LARGE2: variants seen among roughly 807,000 people sequenced by gnomAD.
The protein encoded by LARGE2 is LARGE xylosyl- and glucuronyltransferase 2, also known as xylosyl- and glucuronyltransferase LARGE2.
Under a neutral mutation model 75.3 loss-of-function variants are expected in LARGE2, and 63 were observed. The observed-to-expected ratio is 0.84, with a 90% CI of 0.68 to 1.03. The LOEUF is 1.03. Among genes scored for constraint, LARGE2 ranks in the 50% least tolerant of loss-of-function variants. The probability of loss-of-function intolerance (pLI) is 0.00; values close to 1 mark genes in which losing one functional copy is unlikely to be tolerated. For missense variants in LARGE2, 925 were observed against 980.6 expected, an observed-to-expected ratio of 0.94 and a Z score of 0.76; for synonymous variants, 428 against 420.1, an observed-to-expected ratio of 1.02 and a Z score of -0.23.
chr11:45,926,131 G>T lies in LARGE2; in HGVS notation c.862G>T (p.Ala288Ser). Residue 288 changes from alanine to serine, a missense_variant, in exon 7 of 14, where the codon GCC becomes TCC. This residue lies in a region of LARGE2 where 453 missense variants were observed against 460.2 expected (regional missense o/e 0.98). Coordinates refer to ENST00000401752, the MANE Select transcript of LARGE2 (RefSeq NM_001300721.2). ...CAGGCGGGAGCTCCTTAGCCTGCCT[G>T]CCACCTCACTGGCTGACCAGGTCTG... is the stretch of plus-strand genomic sequence containing the variant. ...TARRELLSLPATSLADQDIFN... is the reference protein window; with the variant it reads ...TARRELLSLPSTSLADQDIFN... 6.3e-7 allele frequency: 1 copy of T among 1,580,340 alleles called. No individual in the cohort carries two copies. The highest frequency in any genetic ancestry group is 8.6e-7 in the Non-Finnish European group (1 of 1,163,016).
In LARGE2 at chr11:45,927,986, G is replaced by C; in HGVS notation, c.1671G>C (p.Glu557Asp). 2 of 1,613,904 alleles carry C rather than the reference G, an allele frequency of 1.2e-6. No individual in the cohort carries two copies. Among genetic ancestry groups the C allele is most frequent in the Non-Finnish European group, 1.7e-6 (2 of 1,180,028 alleles). Reference sequence around the variant, plus strand: ...CAGCACTGGTGGTGCCGGCATTCGAGACCCTGCGCTACCGCTTCAGCTTCC... The same window carrying C: ...CAGCACTGGTGGTGCCGGCATTCGACACCCTGCGCTACCGCTTCAGCTTCC... The part of the protein sequence containing the change: ...RKAALVVPAF[E>D]TLRYRFSFPH... The change falls in exon 12 of 14, where the codon GAG becomes GAC. Residue 557 changes from glutamate to aspartate, a missense_variant. Glu to Asp is a conservative substitution (Grantham distance 45, BLOSUM62 2). Coordinates refer to ENST00000401752, the MANE Select transcript of LARGE2 (RefSeq NM_001300721.2).
At chr11:45,924,428 C>T (rs1178350698) in intron 4 of LARGE2, 78 bp from the exon 5 acceptor site, 2 of 1,571,920 alleles carry the variant, frequency 1.3e-6, no homozygotes, top group Non-Finnish European at 1.7e-6. Context: ...CCCCTCTCCT[C>T]TGTGTCACTG....
chr11:45,925,531 C>A (rs1311648928), intron 6 of LARGE2, among the ~76,000 whole-genome samples: 1 of 152,080 alleles, frequency 6.6e-6, no homozygotes, highest in African/African-American at 2.4e-5. Flanking sequence ...TATCACGTAC[C>A]TGTAATCCCA....
upstream of LARGE2, among the ~76,000 whole-genome samples, chr11:45,922,120 C>A (rs1310549352): frequency 6.6e-6 from 1 of 152,114 alleles, no homozygotes; most frequent in East Asian, 1.9e-4. Context: ...GCGGCCTTCA[C>A]AAGGGCGCTT....
At position 45,923,886 on chromosome 11, in the gene LARGE2, T is replaced by A. The variant is rs1246062764; in HGVS notation, c.369-268T>A. Among the ~76,000 whole-genome samples the A allele has an allele frequency of 4.8e-5, 7 of 146,192 alleles. No individual in the cohort carries two copies. In the Admixed American group the frequency reaches 4.9e-4, roughly 10 times the overall value. On this transcript the variant is annotated intron_variant, in intron 3 of 13. Transcript: ENST00000401752. ...CTGTAGTCCCAGCTACTTGGGAGGC[T>A]GAGGCAGGAGAATGGCGTGAACCCG...
intron 6 of LARGE2, 53 bp downstream of exon 6, chr11:45,924,942 C>G: frequency 1.7e-6 from 2 of 1,192,482 alleles, no homozygotes; most frequent in Non-Finnish European, 2.3e-6. Flanking sequence ...GTCCTTGGGC[C>G]CCTGGGGCTG....
chr11:45,927,337 T>G lies in LARGE2; in HGVS notation c.1348T>G (p.Cys450Gly), dbSNP rs763585174. ...TAGGCTGCAGATGTTGGAAGCCCTGTGCAGGCACTGGCCTGGCCCCATGAG... is the reference window on the plus strand; with the variant it reads ...TAGGCTGCAGATGTTGGAAGCCCTGGGCAGGCACTGGCCTGGCCCCATGAG... ...MDRLQMLEAL[C>G]RHWPGPMSLA... Residue 450 changes from cysteine (C) to glycine (G), a missense_variant, in exon 11 of 14, where the codon TGC becomes GGC. By Grantham distance (159) the Cys-to-Gly change is radical (BLOSUM62 -3). Transcript: ENST00000401752. 4.3e-6 allele frequency: 7 copies of G among 1,613,454 alleles called. No individual in the cohort carries two copies. The highest frequency in any genetic ancestry group is 1.6e-4 in the Middle Eastern group (1 of 6,078).
upstream of LARGE2, among the ~76,000 whole-genome samples, chr11:45,922,396 G>A (rs1330800459): frequency 6.6e-6 from 1 of 152,150 alleles, no homozygotes; most frequent in East Asian, 1.9e-4. Flanking sequence ...CGGCCCCAGA[G>A]CGGGGGCAGG....
Position 45,923,041 on chromosome 11 carries a change from G to A in LARGE2, c.159G>A (p.Met53Ile), listed in dbSNP as rs992623801. The A allele has an allele frequency of 1.4e-6, 2 of 1,411,686 alleles. No homozygotes were observed. Among genetic ancestry groups the A allele is most frequent in the Admixed American group, 2.9e-5 (1 of 34,256 alleles). The allele number at this position is 1,411,686 out of a possible 1,614,324, so 87.4% of individuals were successfully genotyped here. A position where few individuals can be genotyped will look rare whatever the true frequency, so the allele number is the denominator to read the frequency against. ...GAPGCFPGPL[M>I]PRVPPDGRLR... ...CGGGATGCTTCCCCGGCCCGCTCAT[G>A]CCACGTGTCCCCCCAGACGGGAGGC... Residue 53 changes from methionine (M) to isoleucine (I), a missense_variant, in exon 2 of 14, where the codon ATG becomes ATA. Physicochemically the swap from Met to Ile is conservative, Grantham distance 10. Transcript: ENST00000401752.
Position 45,927,958 on chromosome 11 carries a change from A to C in LARGE2, c.1643A>C (p.Lys548Thr), listed in dbSNP as rs1260022273. ...CAGCTGGGGCTGGGCAGCCGGCGCA[A>C]GGCAGCACTGGTGGTGCCGGCATTC... ...IEQLGLGSRR[K>T]AALVVPAFET... is the part of the protein sequence containing the mutation. Residue 548 changes from lysine to threonine, a missense_variant, in exon 12 of 14, where the codon AAG becomes ACG. By Grantham distance (78) the Lys-to-Thr change is moderately conservative (BLOSUM62 -1). Around this residue, in one of 3 missense-constraint regions of LARGE2, gnomAD observed 469 missense variants for 503.8 expected, o/e 0.93. Coordinates refer to ENST00000401752, the MANE Select transcript of LARGE2 (RefSeq NM_001300721.2). The C allele has an allele frequency of 6.2e-7, 1 of 1,613,680 alleles. No homozygotes were observed. The highest frequency in any genetic ancestry group is 1.3e-5 in the African/African-American group (1 of 75,038).
chr11:45,923,038 C>T lies in LARGE2; in HGVS notation c.156C>T (p.Leu52=), dbSNP rs1391770060. Reference sequence around the variant, plus strand: ...CCCCGGGATGCTTCCCCGGCCCGCTCATGCCACGTGTCCCCCCAGACGGGA... The same window carrying T: ...CCCCGGGATGCTTCCCCGGCCCGCTTATGCCACGTGTCCCCCCAGACGGGA... The part of the protein sequence containing the change: ...AGAPGCFPGP[L]MPRVPPDGRL... The change falls in exon 2 of 14, where the codon CTC becomes CTT. Residue 52 remains leucine (L), a synonymous_variant. Coordinates refer to ENST00000401752, the MANE Select transcript of LARGE2 (RefSeq NM_001300721.2). 1.6e-5 allele frequency: 22 copies of T among 1,406,280 alleles called. No individual in the cohort carries two copies. Among genetic ancestry groups the T allele is most frequent in the Admixed American group, 1.2e-4 (4 of 33,312 alleles). The allele number at this position is 1,406,280 out of a possible 1,614,324, so 87.1% of individuals were successfully genotyped here.
At position 45,928,753 on chromosome 11, in the gene LARGE2, G is replaced by A. The variant is rs749153488; in HGVS notation, c.2074G>A (p.Glu692Lys). The change falls in exon 14 of 14, where the codon GAA (glutamate) becomes AAA (lysine). Residue 692 changes from glutamate (E) to lysine (K), a missense_variant. Around this residue, in one of 3 missense-constraint regions of LARGE2, gnomAD observed 469 missense variants for 503.8 expected, o/e 0.93. Coordinates refer to ENST00000401752, the MANE Select transcript of LARGE2 (RefSeq NM_001300721.2). The stretch of plus-strand genomic sequence containing the variant: ...TGACTGCCTCCAGGCCCTCAAGGAC[G>A]AATTCCACCAGGACTTGTCCCGCCA... ...YRDCLQALKDEFHQDLSRHHG... is the reference protein window; with the variant it reads ...YRDCLQALKDKFHQDLSRHHG... The A allele has an allele frequency of 2.5e-5, 41 of 1,613,972 alleles. No individual in the cohort carries two copies. Among genetic ancestry groups the A allele is most frequent in the Non-Finnish European group, 3.2e-5 (38 of 1,180,038 alleles).
At position 45,923,023 on chromosome 11, in the gene LARGE2, CT is replaced by C; in HGVS notation, c.143del (p.Phe48SerfsTer69). 7.3e-7 allele frequency: 1 copy of C among 1,375,070 alleles called. No individual in the cohort carries two copies. The highest frequency in any genetic ancestry group is 3.5e-5 in the Admixed American group (1 of 28,820). 85.2% of individuals were successfully genotyped at this position (1,375,070 alleles called of 1,614,324 possible). ...PGGRAGAPGC[F>X]PGPLMPRVPP... The stretch of plus-strand genomic sequence containing the variant: ...GCGGGCGAGCGGGGGCCCCGGGATG[CT>C]TCCCCGGCCCGCTCATGCCACGTGT... On this transcript the variant is annotated frameshift_variant, in exon 2 of 14. Transcript: ENST00000401752. LOFTEE classifies it high-confidence loss of function.
At chr11:45,925,140 T>C (rs1313877053) in intron 6 of LARGE2, among the ~76,000 whole-genome samples, 2 of 152,174 alleles carry the variant, frequency 1.3e-5, no homozygotes, top group East Asian at 3.8e-4. Context: ...AGCCCTGGGA[T>C]CACCAAGTGT....
In LARGE2 at chr11:45,926,118, C is replaced by T. The variant is rs1336179632; in HGVS notation, c.849C>T (p.Leu283=). The T allele has an allele frequency of 6.4e-7, 1 of 1,572,236 alleles. No individual in the cohort carries two copies. The highest frequency in any genetic ancestry group is 8.6e-7 in the Non-Finnish European group (1 of 1,158,998). ...GGAGGCTGACAGCCAGGCGGGAGCTCCTTAGCCTGCCTGCCACCTCACTGG... is the reference window on the plus strand; with the variant it reads ...GGAGGCTGACAGCCAGGCGGGAGCTTCTTAGCCTGCCTGCCACCTCACTGG... ...QMWRLTARRE[L]LSLPATSLAD... The change falls in exon 7 of 14, where the codon CTC becomes CTT. Residue 283 remains leucine, a synonymous_variant. Transcript: ENST00000401752.
Position 45,924,827 on chromosome 11 carries a change from A to G in LARGE2, c.707A>G (p.Tyr236Cys). The change falls in exon 6 of 14, where the codon TAC (tyrosine) becomes TGC (cysteine). Residue 236 changes from tyrosine to cysteine, a missense_variant. Around this residue, in one of 3 missense-constraint regions of LARGE2, gnomAD observed 453 missense variants for 460.2 expected, o/e 0.98. Transcript: ENST00000401752. The part of the protein sequence containing the change: ...IGLVENQSDW[Y>C]LGNLWKNHRP... ...CTTGTGGAGAACCAGAGTGACTGGT[A>G]CCTGGGCAACCTCTGGAAGAACCAC... 6.6e-7 allele frequency: 1 copy of G among 1,512,524 alleles called. No homozygotes were observed. The highest frequency in any genetic ancestry group is 1.3e-5 in the South Asian group (1 of 76,388). 93.7% of individuals were successfully genotyped at this position (1,512,524 alleles called of 1,614,324 possible).
chr11:45,926,900 TA>T (rs2087178785), intron 10 of LARGE2, 29 bp downstream of exon 10: 1 of 1,584,924 alleles, frequency 6.3e-7, no homozygotes, highest in Admixed American at 1.7e-5. Context: ...GCCCAGGGGG[TA>T]TGGCATGGGC....
At chr11:45,921,911 T>C (rs1216976001), upstream of LARGE2, among the ~76,000 whole-genome samples, 1 of 152,090 alleles carries the variant, frequency 6.6e-6, no homozygotes, top group Non-Finnish European at 1.5e-5. Flanking sequence ...CACGCTGTGC[T>C]GGTTTAGGGT....
rs60577963 is a variant in LARGE2, at chr11:45,923,985, C to CAA, written c.369-132_369-131dup. Among the ~76,000 whole-genome samples, 34 of 69,530 alleles carry CAA rather than the reference C, an allele frequency of 4.9e-4. 3 individuals are homozygous for CAA. Among genetic ancestry groups the CAA allele is most frequent in the Admixed American group, 1.8e-3 (9 of 5,140 alleles). 45.6% of individuals were successfully genotyped at this position (69,530 alleles called of 152,430 possible). On this transcript the variant is annotated intron_variant, in intron 3 of 13. Coordinates refer to ENST00000401752, the MANE Select transcript of LARGE2 (RefSeq NM_001300721.2). ...TGGGCGACAGAGCGAGACTCCGTCT[C>CAA]AAAAAAAAAAAAAAAAAAAAAAAAA...
Sources: allele counts gnomAD v4.1 joint callset (sites outside exome capture counted in the v4.1 genomes callset), GRCh38; gene constraint gnomAD v4.1.1; regional missense constraint gnomAD v4.1.1; transcripts MANE v1.5; gene names NCBI Gene and HGNC (gene_info 2026-07-23, HGNC 2026-07-21).